Variants in SLC39A14 observed in about 807,000 individuals in gnomAD.
SLC39A14 encodes solute carrier family 39 member 14, also known as metal cation symporter ZIP14.
Under a neutral mutation model 45.5 loss-of-function variants are expected in SLC39A14, and 19 were observed. The ratio of observed to expected loss-of-function variants is 0.42; its 90% CI spans 0.29 to 0.61. SLC39A14 has a LOEUF of 0.61. Ranked by LOEUF, SLC39A14 falls within the 20% of genes least tolerant of loss-of-function variation. The probability of loss-of-function intolerance (pLI) is 0.22; values close to 1 mark genes in which losing one functional copy is unlikely to be tolerated. For synonymous variants in SLC39A14, 264 were observed against 251.3 expected (o/e 1.05, Z -0.48); for missense variants, 447 against 616.5 (o/e 0.73, Z 2.91).
At chr8:22,381,177 C>T (rs980106919) in intron 1 of SLC39A14, among the ~76,000 whole-genome samples, 11 of 151,960 alleles carry the variant, frequency 7.2e-5, no homozygotes, top group Non-Finnish European at 2.9e-5. Flanking sequence ...TTTCACCATG[C>T]TGGCCAGGCT....
At chr8:22,419,401 C>A in intron 8 of SLC39A14, 151 bp from the exon 9 acceptor site, 1 of 698,022 alleles carries the variant, frequency 1.4e-6, no homozygotes, top group South Asian at 1.9e-5. Context: ...TCAGGCTGGT[C>A]TCGAACTCCT....
chr8:22,384,313 G>T (rs1292117716), intron 1 of SLC39A14, among the ~76,000 whole-genome samples: 1 of 152,060 alleles, frequency 6.6e-6, no homozygotes, highest in Non-Finnish European at 1.5e-5. Flanking sequence ...GGGAAGAGTG[G>T]GAATGTTATT....
chr8:22,379,063 G>A (rs1833360946), intron 1 of SLC39A14, among the ~76,000 whole-genome samples: 1 of 152,164 alleles, frequency 6.6e-6, no homozygotes, highest in Non-Finnish European at 1.5e-5. Context: ...CCCAGCTTTT[G>A]GTGGCTCCTG....
downstream of SLC39A14, among the ~76,000 whole-genome samples, chr8:22,425,808 G>T (rs1303906856): frequency 6.6e-6 from 1 of 151,794 alleles, no homozygotes; most frequent in Non-Finnish European, 1.5e-5. Flanking sequence ...CATCAATTAT[G>T]GTTAAGGAAT....
chr8:22,407,770 G>A (rs1835312578), intron 2 of SLC39A14, among the ~76,000 whole-genome samples: 1 of 151,208 alleles, frequency 6.6e-6, no homozygotes, highest in African/African-American at 2.4e-5. Flanking sequence ...GCAGTGGTGT[G>A]ATCATAGCTC....
Position 22,415,884 on chromosome 8 carries a change from A to C in SLC39A14, c.866A>C (p.His289Pro), listed in dbSNP as rs1021898754. ...GACCTGGACCACATGATTCCTCAGC[A>C]CTGCAGCAGTGAGCTGGACGGCAAG... Reference protein sequence around the residue: ...NGDLDHMIPQHCSSELDGKAP... With the variant: ...NGDLDHMIPQPCSSELDGKAP... Residue 289 changes from histidine to proline, a missense_variant, in exon 6 of 9, where the codon CAC (histidine) becomes CCC (proline). Around this residue, in one of 2 missense-constraint regions of SLC39A14, gnomAD observed 342 missense variants for 428.1 expected, o/e 0.80. Coordinates refer to ENST00000381237, the MANE Select transcript of SLC39A14 (RefSeq NM_001128431.4). 9.9e-6 allele frequency: 16 copies of C among 1,612,636 alleles called. No individual in the cohort carries two copies. In the Admixed American group the frequency reaches 1.7e-4, roughly 17 times the overall value.
intron 1 of SLC39A14, among the ~76,000 whole-genome samples, chr8:22,404,033 C>T (rs989986945): frequency 3.3e-5 from 5 of 152,210 alleles, no homozygotes; most frequent in Admixed American, 6.5e-5. Flanking sequence ...CATCCACACC[C>T]GTGTGCTCAT....
chr8:22,422,912 C>T (rs189340154), downstream of SLC39A14, among the ~76,000 whole-genome samples: 677 of 151,570 alleles, frequency 4.5e-3, 5 homozygotes, highest in African/African-American at 0.016. Flanking sequence ...CAACCTCCAC[C>T]TCCTGGGTTC....
At chr8:22,383,019 C>A (rs751857942) in intron 1 of SLC39A14, among the ~76,000 whole-genome samples, 1 of 151,922 alleles carries the variant, frequency 6.6e-6, no homozygotes, top group African/African-American at 2.4e-5. Flanking sequence ...CGGCCGGTGG[C>A]GGTGTTTTTC....
At chr8:22,394,327 C>CTT (rs139730659) in intron 1 of SLC39A14, among the ~76,000 whole-genome samples, 138 of 132,064 alleles carry the variant, frequency 1.0e-3, no homozygotes, top group African/African-American at 3.5e-3. Flanking sequence ...TTTATTATGT[C>CTT]TTTTTTTTTT....
intron 1 of SLC39A14, among the ~76,000 whole-genome samples, chr8:22,396,129 G>C (rs1834368749): frequency 6.6e-6 from 1 of 152,010 alleles, no homozygotes; most frequent in Non-Finnish European, 1.5e-5. Flanking sequence ...CACTTTGGGA[G>C]ACCGAGACAG....
intron 4 of SLC39A14, among the ~76,000 whole-genome samples, chr8:22,413,177 G>A (rs563528891): frequency 2.6e-5 from 4 of 152,286 alleles, no homozygotes; most frequent in South Asian, 2.1e-4. Context: ...AGCACAGGAC[G>A]TCTCCCTGTG....
chr8:22,384,540 G>C (rs1018765282), intron 1 of SLC39A14, among the ~76,000 whole-genome samples: 1 of 151,762 alleles, frequency 6.6e-6, no homozygotes, highest in African/African-American at 2.4e-5. Context: ...TTGAGGTCAG[G>C]AGTTCGAGAC....
intron 3 of SLC39A14, 195 bp from the exon 4 acceptor site, chr8:22,411,842 T>G: frequency 5.3e-6 from 3 of 562,290 alleles, no homozygotes; most frequent in East Asian, 5.8e-5. Context: ...CACTAACAAA[T>G]TTTCTATTTC....
At chr8:22,387,119 G>A (rs1833834856) in intron 1 of SLC39A14, among the ~76,000 whole-genome samples, 1 of 151,402 alleles carries the variant, frequency 6.6e-6, no homozygotes, top group South Asian at 2.1e-4. Context: ...GCTGCAGTGA[G>A]CTGTGATCAT....
chr8:22,413,501 A>G (rs1241043375), intron 4 of SLC39A14, among the ~76,000 whole-genome samples: 1 of 152,104 alleles, frequency 6.6e-6, no homozygotes, highest in African/African-American at 2.4e-5. Context: ...TTTTCCCCCA[A>G]GATGATTCGA....
intron 3 of SLC39A14, among the ~76,000 whole-genome samples, chr8:22,408,804 C>G (rs1835384770): frequency 6.7e-6 from 1 of 149,094 alleles, no homozygotes; most frequent in Admixed American, 6.7e-5. Flanking sequence ...GGGCCCAACC[C>G]TTTGGCTTTT....
At chr8:22,425,741 G>A (rs967900588), downstream of SLC39A14, among the ~76,000 whole-genome samples, 6 of 152,042 alleles carry the variant, frequency 3.9e-5, no homozygotes, top group Admixed American at 2.0e-4. Context: ...AGTTAATGGA[G>A]TATCCTTTGT....
At position 22,414,863 on chromosome 8, in the gene SLC39A14, A is replaced by G; in HGVS notation, c.711A>G (p.Thr237=). 1.2e-6 allele frequency: 2 copies of G among 1,613,220 alleles called. No homozygotes were observed. Among genetic ancestry groups the G allele is most frequent in the South Asian group, 1.1e-5 (1 of 90,852 alleles). ...GGGGCTTTTATCTTTTCTTTTTCAC[A>G]GAGAAGATCTTGAAGATTCTTCTTA... ...VFGGFYLFFF[T]EKILKILLKQ... Residue 237 remains threonine, a synonymous_variant, in exon 5 of 9, where the codon ACA becomes ACG. Transcript: ENST00000381237.
Sources: gnomAD v4.1 joint callset for allele counts (sites outside exome capture counted in the v4.1 genomes callset) on GRCh38, gnomAD v4.1.1 for gene constraint, gnomAD v4.1.1 regional missense constraint, MANE v1.5 for transcripts, NCBI Gene and HGNC (gene_info 2026-07-23, HGNC 2026-07-21) for gene names.